Variants in TTLL7 observed in about 807,000 individuals in gnomAD.
TTLL7 encodes the protein tubulin polyglutamylase TTLL7.
Under a neutral mutation model 120.2 loss-of-function variants are expected in TTLL7, and 53 were observed. The ratio of observed to expected loss-of-function variants is 0.44; its 90% CI spans 0.35 to 0.55. The LOEUF (loss-of-function observed/expected upper bound fraction) is 0.55. TTLL7 is among the 20% of genes least tolerant of loss of function. TTLL7 has a pLI of 0.00. For missense variants in TTLL7, 803 were observed against 1,054.7 expected, an observed-to-expected ratio of 0.76 and a Z score of 3.31; for synonymous variants, 353 against 351.7, an observed-to-expected ratio of 1.00 and a Z score of -0.04.
intron 1 of TTLL7, among the ~76,000 whole-genome samples, chr1:83,990,712 T>C (rs1464901464): frequency 6.6e-6 from 1 of 152,098 alleles, no homozygotes; most frequent in Non-Finnish European, 1.5e-5. Context: ...AGTGGCAAGG[T>C]TGAGGAGAAA....
rs1654631922 is a variant in TTLL7 at position 83,882,778 on chromosome 1, T to C, written c.2543+185A>G. The stretch of plus-strand genomic sequence containing the variant: ...CCTTTAGGTTCGTGATTGCTGTCCT[T>C]GTTCAGTCCCTTAAAGGTAAATACT... On this transcript the variant is annotated intron_variant, in intron 20 of 20. Coordinates refer to ENST00000260505, the MANE Select transcript of TTLL7 (RefSeq NM_024686.6). The C allele has an allele frequency of 7.2e-6, 4 of 558,458 alleles. No individual in the cohort carries two copies. In the South Asian group the frequency reaches 1.1e-4, roughly 15 times the overall value. 34.6% of individuals were successfully genotyped at this position (558,458 alleles called of 1,614,324 possible).
rs1223048208 is a variant in TTLL7, at chr1:83,865,063, T to C, written c.*4899A>G. 2 of 151,866 alleles carry C rather than the reference T, an allele frequency of 1.3e-5. No individual in the cohort carries two copies. Among genetic ancestry groups the C allele is most frequent in the Non-Finnish European group, 1.5e-5 (1 of 67,854 alleles). 9.4% of individuals were successfully genotyped at this position (151,866 alleles called of 1,614,324 possible). A position where few individuals can be genotyped will look rare whatever the true frequency, so the allele number is the denominator to read the frequency against. The stretch of plus-strand genomic sequence containing the variant: ...TAAACTTTTTTATTATAGTAATGTA[T>C]CAGAGTAATTGAAATAACTTCACCA... On this transcript the variant is annotated 3_prime_UTR_variant, in exon 21 of 21. Transcript: ENST00000260505.
At chr1:83,946,671 A>C (rs41293011) in intron 6 of TTLL7, among the ~76,000 whole-genome samples, 1 of 152,222 alleles carries the variant, frequency 6.6e-6, no homozygotes, top group Non-Finnish European at 1.5e-5. Context: ...GGCTACATAA[A>C]GAAAAAACTT....
intron 1 of TTLL7, among the ~76,000 whole-genome samples, chr1:83,984,693 G>A (rs1333289093): frequency 6.6e-6 from 1 of 152,122 alleles, no homozygotes; most frequent in Non-Finnish European, 1.5e-5. Flanking sequence ...AATACTGCAT[G>A]TTCTCACTTA....
intron 5 of TTLL7, among the ~76,000 whole-genome samples, chr1:83,948,331 A>C (rs1048460811): frequency 2.0e-5 from 3 of 152,188 alleles, no homozygotes; most frequent in African/African-American, 4.8e-5. Flanking sequence ...GTTACTAAAG[A>C]GGCAACAAGT....
rs1659790455 is a variant in TTLL7 at position 83,933,729 on chromosome 1, T to C, written c.926A>G (p.His309Arg). 6.2e-7 allele frequency: 1 copy of C among 1,612,782 alleles called. No individual in the cohort carries two copies. The highest frequency in any genetic ancestry group is 8.5e-7 in the Non-Finnish European group (1 of 1,179,376). ...ACACATTCGATAGGCATGCAGGACA[T>C]GAGGTTCTGCTACAATCAGGGTCTT... ...VVKTLIVAEP[H>R]VLHAYRMCRP... Residue 309 changes from histidine (H) to arginine (R), a missense_variant, in exon 9 of 21, where the codon CAT (histidine) becomes CGT (arginine). Physicochemically the swap from His to Arg is conservative, Grantham distance 29. Around this residue, in one of 3 missense-constraint regions of TTLL7, gnomAD observed 324 missense variants for 507.7 expected, o/e 0.64. Transcript: ENST00000260505.
At chr1:83,917,782 G>A in intron 13 of TTLL7, 92 bp from the exon 14 acceptor site, 10 of 781,298 alleles carry the variant, frequency 1.3e-5, no homozygotes, top group South Asian at 3.7e-5. Flanking sequence ...TGCAGAGCAA[G>A]GATTCCTGAA....
At chr1:83,965,645 G>A (rs1299625720) in intron 1 of TTLL7, among the ~76,000 whole-genome samples, 2 of 152,032 alleles carry the variant, frequency 1.3e-5, no homozygotes, top group Non-Finnish European at 1.5e-5. Flanking sequence ...TATTTCATTT[G>A]AATATCTTCT....
At chr1:83,904,190 A>G (rs1656991267) in intron 17 of TTLL7, 31 bp from the exon 18 acceptor site, 1 of 1,526,544 alleles carries the variant, frequency 6.6e-7, no homozygotes, top group Non-Finnish European at 9.0e-7. Flanking sequence ...TAAGAAATTT[A>G]CAGGTTGAAA....
chr1:83,997,137 A>G (rs1653554876), intron 1 of TTLL7, among the ~76,000 whole-genome samples: 1 of 152,242 alleles, frequency 6.6e-6, no homozygotes, highest in Admixed American at 6.5e-5. Flanking sequence ...AGTGGACTTT[A>G]TCAATACCCC....
chr1:83,962,274 T>C (rs1650080388), intron 1 of TTLL7, among the ~76,000 whole-genome samples: 1 of 152,124 alleles, frequency 6.6e-6, no homozygotes, highest in South Asian at 2.1e-4. Flanking sequence ...CATATCTTGG[T>C]AAAGGGTATC....
intron 1 of TTLL7, among the ~76,000 whole-genome samples, chr1:83,954,170 C>T (rs1395476675): frequency 6.6e-6 from 1 of 151,944 alleles, no homozygotes; most frequent in Non-Finnish European, 1.5e-5. Context: ...ACAAAGTCAA[C>T]AAGACTTTAA....
chr1:83,985,619 G>A (rs1295547544), intron 1 of TTLL7, among the ~76,000 whole-genome samples: 5 of 152,044 alleles, frequency 3.3e-5, no homozygotes, highest in Admixed American at 6.5e-5. Context: ...AAACAAAGAC[G>A]GGGGACGATT....
intron 18 of TTLL7, chr1:83,900,279 A>T (rs1656605699): frequency 3.5e-6 from 1 of 283,786 alleles, no homozygotes; most frequent in Non-Finnish European, 7.0e-6. Flanking sequence ...TCAACTTAAC[A>T]AAAATTGATA....
chr1:83,984,018 G>A (rs1414706533), intron 1 of TTLL7: 1 of 152,150 alleles, frequency 6.6e-6, no homozygotes, highest in Non-Finnish European at 1.5e-5. Context: ...TTCAGCCCAG[G>A]AGGTCAAGGC....
chr1:83,961,859 CA>C (rs1392897776), intron 1 of TTLL7, among the ~76,000 whole-genome samples: 1 of 152,034 alleles, frequency 6.6e-6, no homozygotes, highest in Non-Finnish European at 1.5e-5. Flanking sequence ...TTTGTCAATC[CA>C]TTTACCTCTC....
Position 83,890,307 on chromosome 1 carries a change from G to C in TTLL7, c.2369+14C>G, listed in dbSNP as rs370517808. ...ATTAAAAATGACGATAATAAAAGAT[G>C]ACTTAGAGCTTACCCTGAATCACAG... is the stretch of plus-strand genomic sequence containing the variant. On this transcript the variant is annotated intron_variant, in intron 19 of 20. Coordinates refer to ENST00000260505, the MANE Select transcript of TTLL7 (RefSeq NM_024686.6). The C allele has an allele frequency of 1.2e-5, 19 of 1,587,442 alleles. No homozygotes were observed. The highest frequency in any genetic ancestry group is 2.7e-5 in the African/African-American group (2 of 72,996).
chr1:83,900,752 A>C (rs1656651198), intron 18 of TTLL7, among the ~76,000 whole-genome samples: 1 of 152,030 alleles, frequency 6.6e-6, no homozygotes, highest in Non-Finnish European at 1.5e-5. Context: ...TTGCTGACTC[A>C]TAACATTATG....
intron 1 of TTLL7, among the ~76,000 whole-genome samples, chr1:83,955,477 C>T (rs76470519): frequency 0.011 from 1,722 of 152,236 alleles, 26 homozygotes; most frequent in Non-Finnish European, 0.015. Context: ...AGGCTTCACA[C>T]AACCTTTCCA....
Sources: gnomAD v4.1 joint callset for allele counts (sites outside exome capture counted in the v4.1 genomes callset) on GRCh38, gnomAD v4.1.1 for gene constraint, gnomAD v4.1.1 regional missense constraint, MANE v1.5 for transcripts, NCBI Gene and HGNC (gene_info 2026-07-23, HGNC 2026-07-21) for gene names.